Variants in TBKBP1 observed in about 807,000 individuals in gnomAD.
TBKBP1 encodes TANK-binding kinase 1-binding protein 1.
In TBKBP1, 47 loss-of-function variants were observed where a neutral mutation model predicts 69.9. That is an observed-to-expected ratio of 0.67 (90% CI 0.53 to 0.86). TBKBP1 has a LOEUF of 0.86. Among genes scored for constraint, TBKBP1 ranks in the 40% least tolerant of loss-of-function variants. The probability of loss-of-function intolerance (pLI) is 0.00; values close to 1 mark genes in which losing one functional copy is unlikely to be tolerated. For synonymous variants in TBKBP1, 418 were observed against 390.3 expected (o/e 1.07, Z -0.84); for missense variants, 831 against 858.6 (o/e 0.97, Z 0.40).
chr17:47,699,621 C>T lies in TBKBP1; in HGVS notation c.811-15C>T, dbSNP rs762889930. ...GGGTGAGCTTGGGCTCTGACCTCTT[C>T]ATCTTCTTCCTTAGGATCTGGCCTC... is the stretch of plus-strand genomic sequence containing the variant. On this transcript the variant is annotated splice_polypyrimidine_tract_variant and intron_variant, in intron 6 of 9. Coordinates refer to ENST00000578982, the MANE Select transcript of TBKBP1 (RefSeq NM_001394755.1). 7.4e-6 allele frequency: 12 copies of T among 1,613,956 alleles called. No homozygotes were observed. Among genetic ancestry groups the T allele is most frequent in the East Asian group, 2.2e-5 (1 of 44,880 alleles).
chr17:47,701,855 C>G (rs916064925), intron 7 of TBKBP1, among the ~76,000 whole-genome samples: 1 of 152,218 alleles, frequency 6.6e-6, no homozygotes, highest in Non-Finnish European at 1.5e-5. Context: ...CTGGAGGGAG[C>G]TGGCCTCTGC....
At chr17:47,694,625 T>G (rs1310363683) in intron 1 of TBKBP1, 1 of 151,978 alleles carries the variant, frequency 6.6e-6, no homozygotes. Flanking sequence ...ACCCGGGCGC[T>G]GGGCCCAGAG....
intron 1 of TBKBP1, chr17:47,695,151 T>TC (rs1175503029): frequency 6.6e-6 from 1 of 152,570 alleles, no homozygotes; most frequent in Non-Finnish European, 1.5e-5. Context: ...CCCCACTCCG[T>TC]CCCGACGCCC....
chr17:47,702,046 G>A (rs1346346921), intron 7 of TBKBP1, among the ~76,000 whole-genome samples: 1 of 152,242 alleles, frequency 6.6e-6, no homozygotes, highest in Non-Finnish European at 1.5e-5. Flanking sequence ...CTAGTTTGGC[G>A]AGCGTTAATT....
chr17:47,710,012 C>G (rs972686251), intron 9 of TBKBP1, among the ~76,000 whole-genome samples: 29 of 152,178 alleles, frequency 1.9e-4, no homozygotes, highest in African/African-American at 6.5e-4. Flanking sequence ...AGAGCCCTTG[C>G]CCTTTTCTGT....
rs773067119 is a variant in TBKBP1, at chr17:47,696,823, T to C, written c.338T>C (p.Phe113Ser). Reference protein sequence around the residue: ...KVSLQQRLNQFQHELQKNKEQ... With the variant: ...KVSLQQRLNQSQHELQKNKEQ... ...AGCCTGCAGCAACGGCTCAACCAGT[T>C]CCAGCATGAGGTGAGCCTACCAGGC... Residue 113 changes from phenylalanine (F) to serine (S), a missense_variant, in exon 3 of 10, where the codon TTC becomes TCC. Physicochemically the swap from Phe to Ser is radical, Grantham distance 155. Coordinates refer to ENST00000578982, the MANE Select transcript of TBKBP1 (RefSeq NM_001394755.1). The C allele has an allele frequency of 3.1e-6, 5 of 1,613,716 alleles. No homozygotes were observed. Among genetic ancestry groups the C allele is most frequent in the Non-Finnish European group, 4.2e-6 (5 of 1,179,782 alleles).
chr17:47,695,820 G>C, intron 1 of TBKBP1: 1 of 335,410 alleles, frequency 3.0e-6, no homozygotes, highest in Non-Finnish European at 5.5e-6. Context: ...CCCTGCTGCC[G>C]GCCTGGCTTA....
chr17:47,704,008 C>T (rs2031613425), intron 7 of TBKBP1, among the ~76,000 whole-genome samples: 1 of 152,098 alleles, frequency 6.6e-6, no homozygotes, highest in Non-Finnish European at 1.5e-5. Flanking sequence ...TGAGGGGCAA[C>T]CGTGTGATTT....
At position 47,709,067 on chromosome 17, in the gene TBKBP1, C is replaced by G; in HGVS notation, c.1334C>G (p.Ala445Gly). The change falls in exon 9 of 10, where the codon GCC becomes GGC. Residue 445 changes from alanine (A) to glycine (G), a missense_variant. Physicochemically the swap from Ala to Gly is moderately conservative, Grantham distance 60. Coordinates refer to ENST00000578982, the MANE Select transcript of TBKBP1 (RefSeq NM_001394755.1). ...AGGACGCTGGCCGAGCGCGCCTACG[C>G]CAAGCCGCCCAGCCACCACGTGAAG... ...GERTLAERAY[A>G]KPPSHHVKAG... 1 of 1,346,880 alleles carries G rather than the reference C, an allele frequency of 7.4e-7. No homozygotes were observed. Among genetic ancestry groups the G allele is most frequent in the South Asian group, 1.7e-5 (1 of 60,166 alleles). 83.4% of individuals were successfully genotyped at this position (1,346,880 alleles called of 1,614,324 possible).
intron 7 of TBKBP1, among the ~76,000 whole-genome samples, chr17:47,707,965 A>C (rs2031753481): frequency 6.6e-6 from 1 of 152,230 alleles, no homozygotes; most frequent in Admixed American, 6.5e-5. Context: ...ACAGTGACAG[A>C]AGCTACTATA....
chr17:47,697,531 G>T (rs2031299369), intron 4 of TBKBP1, among the ~76,000 whole-genome samples: 1 of 152,164 alleles, frequency 6.6e-6, no homozygotes, highest in South Asian at 2.1e-4. Flanking sequence ...TCACGCTGGG[G>T]TGACCCTGTG....
intron 6 of TBKBP1, 69 bp from the exon 7 acceptor site, chr17:47,699,567 C>G: frequency 6.2e-7 from 1 of 1,613,708 alleles, no homozygotes; most frequent in South Asian, 1.1e-5. Flanking sequence ...CAGACTGGCC[C>G]AGGGAACTGT....
intron 7 of TBKBP1, among the ~76,000 whole-genome samples, chr17:47,702,288 T>G (rs1231654678): frequency 1.3e-5 from 2 of 151,656 alleles, no homozygotes; most frequent in Non-Finnish European, 2.9e-5. Context: ...GTGGAGTGAG[T>G]GTCGAGGCTG....
intron 4 of TBKBP1, among the ~76,000 whole-genome samples, chr17:47,698,169 C>CTG (rs2143267757): frequency 6.6e-6 from 1 of 152,214 alleles, no homozygotes; most frequent in East Asian, 1.9e-4. Context: ...GTGCCAGGCA[C>CTG]TGTTCTTTTC....
intron 1 of TBKBP1, among the ~76,000 whole-genome samples, chr17:47,694,893 G>GA (rs945969611): frequency 1.3e-5 from 2 of 151,174 alleles, no homozygotes; most frequent in Admixed American, 6.6e-5. Flanking sequence ...GGCGGAGGGG[G>GA]GGGGGTGGAT....
chr17:47,701,934 G>A (rs1466998684), intron 7 of TBKBP1, among the ~76,000 whole-genome samples: 1 of 152,152 alleles, frequency 6.6e-6, no homozygotes, highest in Non-Finnish European at 1.5e-5. Flanking sequence ...CTGTGATTAG[G>A]CTCTGCCTCC....
At chr17:47,696,607 G>A in intron 2 of TBKBP1, 104 bp from the exon 3 acceptor site, 1 of 1,558,294 alleles carries the variant, frequency 6.4e-7, no homozygotes, top group Non-Finnish European at 8.7e-7. Context: ...AGGAGAAGGA[G>A]GGTCAAAGGT....
chr17:47,708,890 C>T lies in TBKBP1; in HGVS notation c.1157C>T (p.Pro386Leu), dbSNP rs777666688. ...PCPSPQQRRS[P>L]ASPSCPSPVP... ...CCCTCGCCGCAGCAGCGCCGCTCTC[C>T]GGCCTCACCCTCCTGCCCGTCGCCC... Residue 386 changes from proline to leucine, a missense_variant, in exon 9 of 10, where the codon CCG (proline) becomes CTG (leucine). Physicochemically the swap from Pro to Leu is moderately conservative, Grantham distance 98 (BLOSUM62 -3). Transcript: ENST00000578982. The surrounding 1 kb of genome is among the most constrained non-coding windows in gnomAD (Gnocchi z 4.4). 2.9e-6 allele frequency: 4 copies of T among 1,402,482 alleles called. No homozygotes were observed. Among genetic ancestry groups the T allele is most frequent in the South Asian group, 1.4e-5 (1 of 72,550 alleles). The allele number at this position is 1,402,482 out of a possible 1,614,324, so 86.9% of individuals were successfully genotyped here. A position where few individuals can be genotyped will look rare whatever the true frequency, so the allele number is the denominator to read the frequency against.
At chr17:47,701,017 A>G (rs541695063) in intron 7 of TBKBP1, among the ~76,000 whole-genome samples, 1 of 152,168 alleles carries the variant, frequency 6.6e-6, no homozygotes, top group South Asian at 2.1e-4. Flanking sequence ...TAATTGGAGG[A>G]GAAGACTGAG....
Sources: gnomAD v4.1 joint callset for allele counts (sites outside exome capture counted in the v4.1 genomes callset) on GRCh38, gnomAD v4.1.1 for gene constraint, Gnocchi (gnomAD v3.1) non-coding constraint, MANE v1.5 for transcripts, NCBI Gene and HGNC (gene_info 2026-07-23, HGNC 2026-07-21) for gene names.